OPCML: variants seen among roughly 807,000 people sequenced by gnomAD.
OPCML encodes the protein opioid-binding protein/cell adhesion molecule.
OPCML carries 13 observed loss-of-function variants against 37.8 expected under a neutral mutation model. The observed-to-expected ratio is 0.34, with a 90% CI of 0.22 to 0.55. OPCML has a LOEUF of 0.55. Among genes scored for constraint, OPCML ranks in the 20% least tolerant of loss-of-function variants. The pLI is 0.91. For synonymous variants in OPCML, 176 were observed against 168.8 expected (o/e 1.04, Z -0.33); for missense variants, 341 against 435.6 (o/e 0.78, Z 1.93).
intron 1 of OPCML, among the ~76,000 whole-genome samples, chr11:133,152,827 G>T (rs76256146): frequency 6.6e-6 from 1 of 151,720 alleles, no homozygotes; most frequent in African/African-American, 2.4e-5. Flanking sequence ...CACGCAATTT[G>T]CTGTCTAGTT....
intron 1 of OPCML, among the ~76,000 whole-genome samples, chr11:133,434,788 T>TTATA (rs1388445894): frequency 1.8e-4 from 21 of 119,186 alleles, no homozygotes; most frequent in East Asian, 6.7e-4. Context: ...AAAAAAAAAA[T>TTATA]TATATATATG....
intron 2 of OPCML, among the ~76,000 whole-genome samples, chr11:132,937,504 GTA>G (rs1447960579): frequency 6.6e-6 from 1 of 151,684 alleles, no homozygotes; most frequent in Non-Finnish European, 1.5e-5. Context: ...GAGTGTGTGT[GTA>G]TGTGTGTCTG....
chr11:132,632,134 T>TAA (rs138183892), intron 3 of OPCML, among the ~76,000 whole-genome samples: 45 of 140,216 alleles, frequency 3.2e-4, no homozygotes, highest in South Asian at 4.5e-4. Flanking sequence ...AGATCCAGCT[T>TAA]AAAAAAAAAA....
At chr11:133,098,183 ATT>A (rs1180659691) in intron 1 of OPCML, among the ~76,000 whole-genome samples, 2 of 149,878 alleles carry the variant, frequency 1.3e-5, no homozygotes, top group Non-Finnish European at 3.0e-5. Flanking sequence ...ACCAAGTGGG[ATT>A]TATCCCAGGT....
chr11:133,127,677 T>C (rs1451598694), intron 1 of OPCML, among the ~76,000 whole-genome samples: 3 of 151,722 alleles, frequency 2.0e-5, no homozygotes, highest in Non-Finnish European at 4.4e-5. Context: ...TTACTAATTA[T>C]CTACAATGTG....
chr11:132,753,362 T>A (rs1945905152), intron 2 of OPCML, among the ~76,000 whole-genome samples: 1 of 152,186 alleles, frequency 6.6e-6, no homozygotes, highest in South Asian at 2.1e-4. Context: ...ATTATGAGAG[T>A]TGCGAAGTCC....
rs201678677 is a variant in OPCML, at chr11:132,563,809, C to A, written c.380-34623G>T. 3.1e-3 allele frequency among the ~76,000 whole-genome samples: 250 copies of A among 81,846 alleles called. No homozygotes were observed. The Middle Eastern group carries it at 0.032, about 10-fold the overall frequency. 53.7% of individuals were successfully genotyped at this position (81,846 alleles called of 152,430 possible). A position where few individuals can be genotyped will look rare whatever the true frequency, so the allele number is the denominator to read the frequency against. On this transcript the variant is annotated intron_variant, in intron 3 of 7. Transcript: ENST00000524381. ...AAAAAAACAACGAAAACAACAACAA[C>A]AAAAAAACAGAAAAACTTCACTGAC...
intron 2 of OPCML, among the ~76,000 whole-genome samples, chr11:132,788,821 T>C (rs1937699897): frequency 6.6e-6 from 1 of 152,204 alleles, no homozygotes; most frequent in South Asian, 2.1e-4. Flanking sequence ...CCATCCGACA[T>C]AGTCCAGGTT....
chr11:132,708,668 A>G (rs1178165827), intron 2 of OPCML, among the ~76,000 whole-genome samples: 1 of 152,202 alleles, frequency 6.6e-6, no homozygotes, highest in African/African-American at 2.4e-5. Flanking sequence ...CAGAGAGATT[A>G]ATATGATCTT....
chr11:132,487,902 C>A (rs1299085531), intron 4 of OPCML, among the ~76,000 whole-genome samples: 1 of 152,166 alleles, frequency 6.6e-6, no homozygotes, highest in Non-Finnish European at 1.5e-5. Context: ...TACTTCTATG[C>A]CTTGAATATT....
At chr11:132,816,276 A>G (rs973648385) in intron 2 of OPCML, among the ~76,000 whole-genome samples, 5 of 152,150 alleles carry the variant, frequency 3.3e-5, no homozygotes, top group Admixed American at 3.3e-4. Flanking sequence ...GTTTTTGTAA[A>G]GGGCCAGATA....
Position 132,442,087 on chromosome 11 carries a change from C to T in OPCML, c.506-4728G>A, listed in dbSNP as rs182223173. ...AGGATGAGCGAGGTGTTGTGTCAGACGCTGTGGTGAGGGAATGGGGGCAGA... is the reference window on the plus strand; with the variant it reads ...AGGATGAGCGAGGTGTTGTGTCAGATGCTGTGGTGAGGGAATGGGGGCAGA... On this transcript the variant is annotated intron_variant, in intron 4 of 7. Coordinates refer to ENST00000524381, the MANE Select transcript of OPCML (RefSeq NM_001012393.5). Among the ~76,000 whole-genome samples the T allele has an allele frequency of 4.7e-4, 71 of 152,276 alleles. 1 individual carries two copies. In the South Asian group the frequency reaches 0.011, roughly 24 times the overall value.
At chr11:132,714,102 A>G (rs569822889) in intron 2 of OPCML, among the ~76,000 whole-genome samples, 2 of 152,346 alleles carry the variant, frequency 1.3e-5, no homozygotes, top group East Asian at 3.9e-4. Context: ...GAAAGAATAA[A>G]TACAGTATAA....
intron 1 of OPCML, among the ~76,000 whole-genome samples, chr11:133,502,450 G>A (rs553840887): frequency 2.6e-5 from 4 of 152,320 alleles, no homozygotes; most frequent in East Asian, 3.9e-4. Context: ...AGGAGGGGCC[G>A]CTCCCTCGCC....
chr11:132,478,133 A>G (rs566448251), intron 4 of OPCML, among the ~76,000 whole-genome samples: 1 of 152,362 alleles, frequency 6.6e-6, no homozygotes, highest in African/African-American at 2.4e-5. Context: ...AGGTCAAGGC[A>G]TGTGAAATGA....
chr11:133,312,279 C>T (rs994857797), intron 1 of OPCML, among the ~76,000 whole-genome samples: 9 of 152,076 alleles, frequency 5.9e-5, no homozygotes, highest in Non-Finnish European at 1.0e-4. Context: ...AATATGCTTC[C>T]CCCCAAAAGA....
chr11:133,230,199 G>A (rs553987009), intron 1 of OPCML, among the ~76,000 whole-genome samples: 172 of 152,284 alleles, frequency 1.1e-3, no homozygotes, highest in East Asian at 9.7e-3. Context: ...ATACATTTTC[G>A]CATTTGTGTG....
intron 1 of OPCML, among the ~76,000 whole-genome samples, chr11:133,337,562 T>C (rs189497522): frequency 6.6e-6 from 1 of 152,206 alleles, no homozygotes; most frequent in Admixed American, 6.5e-5. Flanking sequence ...TGCCTTTACC[T>C]GCTGCTGTGG....
chr11:133,359,716 C>T (rs376993803), intron 1 of OPCML, among the ~76,000 whole-genome samples: 3 of 152,078 alleles, frequency 2.0e-5, no homozygotes, highest in African/African-American at 7.2e-5. Flanking sequence ...TGTGGGTGGT[C>T]GTTTATGAAT....
Sources: gnomAD v4.1 joint callset for allele counts (sites outside exome capture counted in the v4.1 genomes callset) on GRCh38, gnomAD v4.1.1 for gene constraint, MANE v1.5 for transcripts, NCBI Gene and HGNC (gene_info 2026-07-23, HGNC 2026-07-21) for gene names.